The following FOXJ3 variants were observed in gnomAD, a reference collection of about 807,000 sequenced individuals.
FOXJ3 encodes the protein forkhead box protein J3.
Under a neutral mutation model 76.1 loss-of-function variants are expected in FOXJ3, and 22 were observed. The ratio of observed to expected loss-of-function variants is 0.29; its 90% CI spans 0.21 to 0.41. The LOEUF (loss-of-function observed/expected upper bound fraction) is 0.41. Among genes scored for constraint, FOXJ3 ranks in the 10% least tolerant of loss-of-function variants. FOXJ3 has a pLI of 1.00. For missense variants in FOXJ3, 613 were observed against 762.1 expected, an observed-to-expected ratio of 0.80 and a Z score of 2.30; for synonymous variants, 269 against 261.2, an observed-to-expected ratio of 1.03 and a Z score of -0.29.
chr1:42,231,821 C>CT (rs539658122), intron 4 of FOXJ3, among the ~76,000 whole-genome samples: 4 of 152,238 alleles, frequency 2.6e-5, no homozygotes, highest in South Asian at 4.1e-4. Context: ...TTGTTTTATA[C>CT]TTTAAGTTTT....
Position 42,278,642 on chromosome 1 carries a change from C to T in FOXJ3, c.75G>A (p.Thr25=), listed in dbSNP as rs1652471438. 6 of 1,613,926 alleles carry T rather than the reference C, an allele frequency of 3.7e-6. No homozygotes were observed. The highest frequency in any genetic ancestry group is 2.2e-5 in the South Asian group (2 of 91,064). ...TGAGCTGTGGTAACCAGTCCATAGA[C>T]GTTAGGCTGCTCTCCAGTTCAGATG... ...RMTSELESSL[T]SMDWLPQLTM... The change falls in exon 3 of 13, where the codon ACG becomes ACA. Residue 25 remains threonine (T), a synonymous_variant. Transcript: ENST00000361346.
chr1:42,317,169 A>G (rs1166390446), intron 1 of FOXJ3, among the ~76,000 whole-genome samples: 1 of 152,212 alleles, frequency 6.6e-6, no homozygotes, highest in African/African-American at 2.4e-5. Context: ...ATTCACTAAC[A>G]TTCATGAAGA....
chr1:42,198,490 T>A (rs1646696831), intron 7 of FOXJ3, among the ~76,000 whole-genome samples: 1 of 152,168 alleles, frequency 6.6e-6, no homozygotes, highest in Non-Finnish European at 1.5e-5. Flanking sequence ...GGCTCTATTA[T>A]CTGCTCACTG....
chr1:42,305,741 G>A (rs1329916077), intron 2 of FOXJ3, among the ~76,000 whole-genome samples: 1 of 152,202 alleles, frequency 6.6e-6, no homozygotes, highest in South Asian at 2.1e-4. Flanking sequence ...CAGGGAGAGT[G>A]AGAATGGTTA....
At chr1:42,329,194 T>C (rs1341696268) in intron 1 of FOXJ3, among the ~76,000 whole-genome samples, 2 of 152,188 alleles carry the variant, frequency 1.3e-5, no homozygotes, top group Non-Finnish European at 2.9e-5. Flanking sequence ...GTTATAAATA[T>C]AAAAACAACA....
intron 3 of FOXJ3, among the ~76,000 whole-genome samples, chr1:42,269,202 G>A (rs939217866): frequency 2.0e-5 from 3 of 151,928 alleles, no homozygotes; most frequent in African/African-American, 7.3e-5. Flanking sequence ...GCGATAAAAT[G>A]GAATCATAAA....
intron 2 of FOXJ3, chr1:42,280,305 A>G: frequency 1.0e-6 from 1 of 983,392 alleles, no homozygotes; most frequent in East Asian, 1.1e-4. Flanking sequence ...CAGTAAATTG[A>G]GTCCTCTTGA....
chr1:42,179,912 GC>G, intron 12 of FOXJ3, 87 bp from the exon 13 acceptor site: 1 of 805,194 alleles, frequency 1.2e-6, no homozygotes, highest in Non-Finnish European at 2.2e-6. Flanking sequence ...CTTCCTATAT[GC>G]CAGGCACACA....
upstream of FOXJ3, chr1:42,335,334 C>G (rs1014643296): frequency 1.3e-5 from 2 of 152,182 alleles, no homozygotes; most frequent in African/African-American, 2.4e-5. Context: ...CCTGCGCGGT[C>G]ACGGTCGCTT....
chr1:42,295,690 G>A (rs1001124281), intron 2 of FOXJ3, among the ~76,000 whole-genome samples: 1 of 151,908 alleles, frequency 6.6e-6, no homozygotes, highest in Non-Finnish European at 1.5e-5. Context: ...CACCTTGTCT[G>A]AGTGATTTTT....
intron 5 of FOXJ3, among the ~76,000 whole-genome samples, chr1:42,224,626 C>A (rs936819585): frequency 2.2e-4 from 34 of 151,566 alleles, no homozygotes; most frequent in East Asian, 1.2e-3. Flanking sequence ...TGCACTCCAG[C>A]CTGGGTGTCT....
At chr1:42,284,297 G>A (rs1001104917) in intron 2 of FOXJ3, among the ~76,000 whole-genome samples, 2 of 152,116 alleles carry the variant, frequency 1.3e-5, no homozygotes, top group Non-Finnish European at 2.9e-5. Flanking sequence ...GAATTTGGTC[G>A]AACTGTTATC....
At chr1:42,219,216 T>A (rs1219277939) in intron 5 of FOXJ3, among the ~76,000 whole-genome samples, 3 of 152,192 alleles carry the variant, frequency 2.0e-5, no homozygotes, top group Non-Finnish European at 4.4e-5. Context: ...TAAAATCTTG[T>A]GTCACCCCAC....
chr1:42,252,601 GTT>G (rs770005826), intron 4 of FOXJ3, among the ~76,000 whole-genome samples: 3 of 141,014 alleles, frequency 2.1e-5, no homozygotes, highest in South Asian at 2.2e-4. Context: ...TTTTTGAAGG[GTT>G]TTTTTTTTTT....
intron 2 of FOXJ3, among the ~76,000 whole-genome samples, chr1:42,295,519 C>CTTTTTTT (rs34641810): frequency 1.1e-4 from 9 of 79,070 alleles, no homozygotes; most frequent in Admixed American, 3.3e-4. Context: ...CTACAAGTGT[C>CTTTTTTT]TTTTTTTTTT....
intron 1 of FOXJ3, among the ~76,000 whole-genome samples, chr1:42,326,130 A>G (rs1456731910): frequency 2.0e-5 from 3 of 152,140 alleles, no homozygotes; most frequent in Non-Finnish European, 4.4e-5. Context: ...AGGCACCTGT[A>G]ATCCCAGCTA....
At chr1:42,208,889 G>T (rs1240732722) in intron 5 of FOXJ3, among the ~76,000 whole-genome samples, 4 of 152,106 alleles carry the variant, frequency 2.6e-5, no homozygotes, top group African/African-American at 9.7e-5. Context: ...ATGAGCAAAA[G>T]CATCTATTTT....
At chr1:42,181,178 G>C (rs1307884757) in intron 12 of FOXJ3, among the ~76,000 whole-genome samples, 1 of 152,144 alleles carries the variant, frequency 6.6e-6, no homozygotes, top group Non-Finnish European at 1.5e-5. Flanking sequence ...CCAGACACTG[G>C]GGCTTGAGTC....
chr1:42,327,014 A>C (rs1050970496), intron 1 of FOXJ3, among the ~76,000 whole-genome samples: 1 of 152,212 alleles, frequency 6.6e-6, no homozygotes, highest in African/African-American at 2.4e-5. Flanking sequence ...TATCACTATT[A>C]ACACATATCA....
Sources: gnomAD v4.1 joint callset for allele counts (sites outside exome capture counted in the v4.1 genomes callset) on GRCh38, gnomAD v4.1.1 for gene constraint, MANE v1.5 for transcripts, NCBI Gene and HGNC (gene_info 2026-07-23, HGNC 2026-07-21) for gene names.